Variants in CEACAM1 observed in about 807,000 individuals in gnomAD.
CEACAM1 encodes the protein CEA cell adhesion molecule 1, also known as cell adhesion molecule CEACAM1.
A neutral mutation model predicts 49.1 loss-of-function variants in CEACAM1; 31 were observed. The observed-to-expected ratio is 0.63, with a 90% CI of 0.47 to 0.85. The LOEUF (loss-of-function observed/expected upper bound fraction) is 0.85, where lower values mean the gene tolerates loss of function less well. Ranked by LOEUF, CEACAM1 falls within the 40% of genes least tolerant of loss-of-function variation. The pLI is 0.00. For synonymous variants in CEACAM1, 244 were observed against 247.8 expected, an observed-to-expected ratio of 0.98 and a Z score of 0.14; for missense variants, 570 against 645.3, an observed-to-expected ratio of 0.88 and a Z score of 1.26.
intron 5 of CEACAM1, among the ~76,000 whole-genome samples, chr19:42,516,386 T>G (rs565285443): frequency 8.6e-5 from 13 of 151,902 alleles, no homozygotes; most frequent in African/African-American, 2.9e-4. Context: ...CAAAGGAAAA[T>G]TAAGAAAAAA....
chr19:42,525,116 C>T (rs187997694), intron 2 of CEACAM1, among the ~76,000 whole-genome samples: 1 of 152,116 alleles, frequency 6.6e-6, no homozygotes, highest in African/African-American at 2.4e-5. Context: ...GGAGAGAAAG[C>T]AAAGTCCTTT....
At chr19:42,522,438 C>T (rs1326664477) in intron 2 of CEACAM1, among the ~76,000 whole-genome samples, 4 of 151,976 alleles carry the variant, frequency 2.6e-5, no homozygotes, top group Admixed American at 1.3e-4. Flanking sequence ...CCATGCCTGA[C>T]GGGGTTTCAC....
intron 2 of CEACAM1, among the ~76,000 whole-genome samples, chr19:42,523,949 A>G (rs2041824431): frequency 6.6e-6 from 1 of 152,238 alleles, no homozygotes; most frequent in Admixed American, 6.5e-5. Context: ...AGAGTTCTCA[A>G]TTGCATTAAG....
At chr19:42,511,810 T>C (rs1167696869) in intron 6 of CEACAM1, among the ~76,000 whole-genome samples, 182 bp from the exon 7 acceptor site, 1 of 152,238 alleles carries the variant, frequency 6.6e-6, no homozygotes, top group Admixed American at 6.5e-5. Context: ...CTTTTCCTGT[T>C]TGCTGGATGT....
intron 5 of CEACAM1, among the ~76,000 whole-genome samples, chr19:42,514,022 C>T (rs1414745777): frequency 7.3e-6 from 1 of 137,408 alleles, no homozygotes. Flanking sequence ...AGTGCAGTGG[C>T]ACAATCATGG....
At chr19:42,526,991 G>T (rs1366947942) in intron 2 of CEACAM1, 50 bp downstream of exon 2, 1 of 1,571,602 alleles carries the variant, frequency 6.4e-7, no homozygotes. Context: ...CCCATGTGTG[G>T]GAAGTAGAAC....
At chr19:42,521,045 C>G (rs894019327) in intron 4 of CEACAM1, 1 of 544,990 alleles carries the variant, frequency 1.8e-6, no homozygotes, top group Non-Finnish European at 3.2e-6. Context: ...GAGAGAACCC[C>G]CTCCCCACAT....
chr19:42,509,404 G>C lies in CEACAM1; in HGVS notation c.1462-176C>G, dbSNP rs542364190. Among the ~76,000 whole-genome samples, 3 of 152,260 alleles carry C rather than the reference G, an allele frequency of 2.0e-5. No homozygotes were observed. The South Asian group carries it at 6.2e-4, about 32-fold the overall frequency. On this transcript the variant is annotated intron_variant, in intron 8 of 8. Coordinates refer to ENST00000161559, the MANE Select transcript of CEACAM1 (RefSeq NM_001712.5). ...CTCCTGATGAATGATCATTAGAAGA[G>C]AGAAATTATGGTATATATGCAATGG...
chr19:42,512,502 G>A (rs1341731523), intron 5 of CEACAM1, 23 bp from the exon 6 acceptor site: 7 of 1,608,002 alleles, frequency 4.4e-6, no homozygotes, highest in Non-Finnish European at 6.0e-6. Flanking sequence ...GAAAAGAGGA[G>A]AAGAAATGAA....
chr19:42,515,106 G>A (rs1484479824), intron 5 of CEACAM1: 2 of 627,868 alleles, frequency 3.2e-6, no homozygotes, highest in South Asian at 1.8e-5. Context: ...CTGTCTCTCT[G>A]AAAACAAAAA....
chr19:42,519,022 G>T lies in CEACAM1; in HGVS notation c.1172C>A (p.Ala391Asp). 6.2e-7 allele frequency: 1 copy of T among 1,605,296 alleles called. No individual in the cohort carries two copies. Among genetic ancestry groups the T allele is most frequent in the Non-Finnish European group, 8.5e-7 (1 of 1,175,560 alleles). Reference protein sequence around the residue: ...LSINPVKREDAGTYWCEVFNP... With the variant: ...LSINPVKREDDGTYWCEVFNP... ...GAAGACCTCACACCAATACGTCCCA[G>T]CATCCTCCCTCTTGACAGGGTTTAT... Residue 391 changes from alanine to aspartate, a missense_variant, in exon 5 of 9, where the codon GCT (alanine) becomes GAT (aspartate). Coordinates refer to ENST00000161559, the MANE Select transcript of CEACAM1 (RefSeq NM_001712.5).
rs2041457417 is a variant in CEACAM1 at position 42,511,562 on chromosome 19, G to A, written c.1429+14C>T. The A allele has an allele frequency of 1.2e-6, 2 of 1,611,894 alleles. No individual in the cohort carries two copies. The highest frequency in any genetic ancestry group is 1.7e-6 in the Non-Finnish European group (2 of 1,178,382). Reference sequence around the variant, plus strand: ...AACATACCAGTTCTCACTGGGGTAAGTGGCTTTACTTACTGTGGTTGGAGA... The same window carrying A: ...AACATACCAGTTCTCACTGGGGTAAATGGCTTTACTTACTGTGGTTGGAGA... On this transcript the variant is annotated intron_variant, in intron 7 of 8. Coordinates refer to ENST00000161559, the MANE Select transcript of CEACAM1 (RefSeq NM_001712.5).
chr19:42,522,962 G>A (rs1212070904), intron 2 of CEACAM1, among the ~76,000 whole-genome samples: 1 of 152,192 alleles, frequency 6.6e-6, no homozygotes. Context: ...CCGTGAGGCC[G>A]CCTGCTCTGT....
In CEACAM1 at chr19:42,522,162, GT is replaced by G. The variant is rs773369383; in HGVS notation, c.464del (p.Asn155ThrfsTer26). On this transcript the variant is annotated frameshift_variant, in exon 3 of 9. Coordinates refer to ENST00000161559, the MANE Select transcript of CEACAM1 (RefSeq NM_001712.5). LOFTEE classifies it high-confidence loss of function. ...PKPSISSNNS[N>X]PVEDKDAVAF... Reference sequence around the variant, plus strand: ...CCACAGCATCCTTGTCCTCCACAGGGTTGGAGTTGTTGCTGGAGATGGAGGG... The same window carrying G: ...CCACAGCATCCTTGTCCTCCACAGGGTGGAGTTGTTGCTGGAGATGGAGGG... The G allele has an allele frequency of 1.7e-5, 27 of 1,614,138 alleles. No homozygotes were observed. The highest frequency in any genetic ancestry group is 2.2e-5 in the Non-Finnish European group (26 of 1,180,060).
intron 4 of CEACAM1, chr19:42,519,488 T>A: frequency 2.1e-6 from 1 of 465,492 alleles, no homozygotes; most frequent in Admixed American, 3.9e-5. Flanking sequence ...CCTCTGGATA[T>A]CTCTATATCT....
At chr19:42,510,820 A>G in intron 8 of CEACAM1, 69 bp downstream of exon 8, 2 of 1,405,452 alleles carry the variant, frequency 1.4e-6, no homozygotes, top group African/African-American at 1.4e-5. Flanking sequence ...TTGTGTCTTC[A>G]TGAATAATCA....
intron 2 of CEACAM1, among the ~76,000 whole-genome samples, chr19:42,524,462 G>T (rs61083973): frequency 2.2e-4 from 33 of 152,272 alleles, no homozygotes; most frequent in African/African-American, 7.7e-4. Flanking sequence ...TGGAGGAGTC[G>T]CTCGTCCCTG....
At chr19:42,510,831 A>C in intron 8 of CEACAM1, 58 bp downstream of exon 8, 1 of 1,478,244 alleles carries the variant, frequency 6.8e-7, no homozygotes, top group Admixed American at 1.7e-5. Flanking sequence ...TGAATAATCA[A>C]TTCTACACAG....
chr19:42,526,297 G>C (rs1456528428), intron 2 of CEACAM1, among the ~76,000 whole-genome samples: 2 of 152,164 alleles, frequency 1.3e-5, no homozygotes, highest in Non-Finnish European at 1.5e-5. Context: ...GTGCCTCTCA[G>C]CCTGATCCCT....
Sources: gnomAD v4.1 joint callset for allele counts (sites outside exome capture counted in the v4.1 genomes callset) on GRCh38, gnomAD v4.1.1 for gene constraint, MANE v1.5 for transcripts, NCBI Gene and HGNC (gene_info 2026-07-23, HGNC 2026-07-21) for gene names.